VDR: variants seen among roughly 807,000 people sequenced by gnomAD.
VDR encodes the protein vitamin D receptor.
VDR carries 19 observed loss-of-function variants against 39.7 expected under a neutral mutation model. The ratio of observed to expected loss-of-function variants is 0.48; its 90% CI spans 0.33 to 0.70. The LOEUF is 0.70. Among genes scored for constraint, VDR ranks in the 30% least tolerant of loss-of-function variants. The probability of loss-of-function intolerance (pLI) is 0.02; values close to 1 mark genes in which losing one functional copy is unlikely to be tolerated. For synonymous variants in VDR, 242 were observed against 215.8 expected, an observed-to-expected ratio of 1.12 and a Z score of -1.07; for missense variants, 442 against 570.5, an observed-to-expected ratio of 0.77 and a Z score of 2.29.
chr12:47,871,902 G>A lies in VDR; in HGVS notation c.147-6725C>T, dbSNP rs777204998. 4.6e-5 allele frequency among the ~76,000 whole-genome samples: 7 copies of A among 152,346 alleles called. No individual in the cohort carries two copies. The South Asian group carries it at 1.2e-3, about 27-fold the overall frequency. ...TAAAACCAAGATGCAGAATGGTGAC[G>A]TGTGTGCACACACACATACACACAC... On this transcript the variant is annotated intron_variant, in intron 3 of 9. Coordinates refer to ENST00000549336, the MANE Select transcript of VDR (RefSeq NM_000376.3).
intron 1 of VDR, among the ~76,000 whole-genome samples, chr12:47,884,691 G>A (rs1392981552): frequency 6.6e-6 from 1 of 152,120 alleles, no homozygotes; most frequent in Non-Finnish European, 1.5e-5. Flanking sequence ...AGTCATTTCT[G>A]CAACCCTAAG....
intron 4 of VDR, among the ~76,000 whole-genome samples, chr12:47,864,445 G>T (rs2137164018): frequency 6.6e-6 from 1 of 152,336 alleles, no homozygotes; most frequent in African/African-American, 2.4e-5. Flanking sequence ...CTAGAACCCA[G>T]TGCTTCCCCT....
rs1366800286 is a variant in VDR, at chr12:47,859,971, C to CTT, written c.278-2285_278-2284dup. ...TCTTTCTTTCTTTCTTTCTTTCTTT[C>CTT]TTTCTTTCTTTCACAGACTCTCGCT... is the stretch of plus-strand genomic sequence containing the variant. On this transcript the variant is annotated intron_variant, in intron 4 of 9. Coordinates refer to ENST00000549336, the MANE Select transcript of VDR (RefSeq NM_000376.3). Among the ~76,000 whole-genome samples the CTT allele has an allele frequency of 7.5e-4, 103 of 137,526 alleles. 3 individuals are homozygous for CTT. Among genetic ancestry groups the CTT allele is most frequent in the African/African-American group, 2.8e-3 (96 of 34,124 alleles). 90.2% of individuals were successfully genotyped at this position (137,526 alleles called of 152,430 possible).
chr12:47,865,098 A>G lies in VDR; in HGVS notation c.226T>C (p.Cys76Arg). The G allele has an allele frequency of 6.2e-7, 1 of 1,613,948 alleles. No individual in the cohort carries two copies. The highest frequency in any genetic ancestry group is 8.5e-7 in the Non-Finnish European group (1 of 1,179,820). ...CAGCGTTTGAGCCGGCAGGCCTGGC[A>G]GTGGCGTCGGTTGTCCTTGGTGATG... ...CRITKDNRRH[C>R]QACRLKRCVD... Residue 76 changes from cysteine to arginine, a missense_variant, in exon 4 of 10, where the codon TGC (cysteine) becomes CGC (arginine). Cys to Arg is a radical substitution (Grantham distance 180). Coordinates refer to ENST00000549336, the MANE Select transcript of VDR (RefSeq NM_000376.3).
At chr12:47,861,651 A>G (rs1047516436) in intron 4 of VDR, among the ~76,000 whole-genome samples, 2 of 152,194 alleles carry the variant, frequency 1.3e-5, no homozygotes, top group Non-Finnish European at 2.9e-5. Flanking sequence ...GTTCTGAAAG[A>G]GTGTTGGGCT....
intron 7 of VDR, among the ~76,000 whole-genome samples, chr12:47,849,821 T>C (rs960840512): frequency 2.6e-5 from 4 of 151,854 alleles, no homozygotes; most frequent in African/African-American, 9.7e-5. Flanking sequence ...CATTTTGGCG[T>C]ATTTTCTTCC....
rs779775712 is a variant in VDR at position 47,865,122 on chromosome 12, T to C, written c.202A>G (p.Ile68Val). Reference sequence around the variant, plus strand: ...CAGTGGCGTCGGTTGTCCTTGGTGATGCGGCAGTCCCCGTTGAAGGGGCAG... The same window carrying C: ...CAGTGGCGTCGGTTGTCCTTGGTGACGCGGCAGTCCCCGTTGAAGGGGCAG... ...FTCPFNGDCRITKDNRRHCQA... is the reference protein window; with the variant it reads ...FTCPFNGDCRVTKDNRRHCQA... The change falls in exon 4 of 10, where the codon ATC (isoleucine) becomes GTC (valine). Residue 68 changes from isoleucine to valine, a missense_variant. By Grantham distance (29) the Ile-to-Val change is conservative (BLOSUM62 3). Transcript: ENST00000549336. 1.9e-5 allele frequency: 31 copies of C among 1,613,814 alleles called. No homozygotes were observed. Among genetic ancestry groups the C allele is most frequent in the Non-Finnish European group, 7.6e-6 (9 of 1,179,814 alleles).
intron 3 of VDR, among the ~76,000 whole-genome samples, chr12:47,873,408 T>TGC (rs1945929980): frequency 7.5e-6 from 1 of 132,774 alleles, no homozygotes; most frequent in Non-Finnish European, 1.6e-5. Context: ...TCGCCCACGC[T>TGC]GGAGTGCAGT....
intron 1 of VDR, among the ~76,000 whole-genome samples, chr12:47,886,668 C>A (rs1170823403): frequency 6.6e-6 from 1 of 152,118 alleles, no homozygotes; most frequent in Admixed American, 6.5e-5. Flanking sequence ...ACAGTAAAAC[C>A]CAAGAGATAA....
intron 1 of VDR, among the ~76,000 whole-genome samples, chr12:47,902,284 G>A (rs1214628035): frequency 6.6e-6 from 1 of 152,220 alleles, no homozygotes; most frequent in African/African-American, 2.4e-5. Context: ...ACAGGAAAAG[G>A]TTAGGGACAA....
chr12:47,863,845 G>T (rs760020647), intron 4 of VDR, among the ~76,000 whole-genome samples: 2 of 152,226 alleles, frequency 1.3e-5, no homozygotes, highest in Non-Finnish European at 2.9e-5. Context: ...CCCAGGGTCA[G>T]GGCCTCAGCT....
intron 3 of VDR, among the ~76,000 whole-genome samples, chr12:47,865,942 C>T (rs190848850): frequency 0.012 from 1,874 of 150,998 alleles, 27 homozygotes; most frequent in Non-Finnish European, 0.019. Context: ...GTCTCGATCT[C>T]CTGACCTCAT....
chr12:47,898,114 TG>T (rs992145511), intron 1 of VDR, among the ~76,000 whole-genome samples: 9 of 152,140 alleles, frequency 5.9e-5, no homozygotes, highest in Admixed American at 2.0e-4. Flanking sequence ...CCTCAAGCAC[TG>T]CTGGTGGAAG....
intron 7 of VDR, among the ~76,000 whole-genome samples, chr12:47,847,078 G>A (rs1442693296): frequency 6.6e-6 from 1 of 152,140 alleles, no homozygotes; most frequent in South Asian, 2.1e-4. Flanking sequence ...AGAGCTATGG[G>A]GCACAGGAAA....
In VDR at chr12:47,846,532, G is replaced by A. The variant is rs1243825380; in HGVS notation, c.908-81C>T. ...CTCCAACCCCATGGGTCTGACCCTCGCCCTTCTCTCCCTGTTGGTGCCTAA... is the reference window on the plus strand; with the variant it reads ...CTCCAACCCCATGGGTCTGACCCTCACCCTTCTCTCCCTGTTGGTGCCTAA... On this transcript the variant is annotated intron_variant, in intron 8 of 9. Transcript: ENST00000549336. The A allele has an allele frequency of 1.2e-5, 18 of 1,550,840 alleles. No homozygotes were observed. The Middle Eastern group carries it at 7.4e-4, about 64-fold the overall frequency.
At chr12:47,894,552 T>G (rs1287875403) in intron 1 of VDR, among the ~76,000 whole-genome samples, 3 of 152,226 alleles carry the variant, frequency 2.0e-5, no homozygotes. Context: ...AGATGCCTCC[T>G]GCTTCCCTTC....
rs376120023 is a variant in VDR, at chr12:47,845,021, T to C, written c.1025-16A>G. On this transcript the variant is annotated splice_polypyrimidine_tract_variant and intron_variant, in intron 9 of 9. Transcript: ENST00000549336. ...CCAGGACGATCTGTGGGCACGGGGA[T>C]AGAGAAGAAGGCACAGGAGCTCTCA... 10 of 1,609,472 alleles carry C rather than the reference T, an allele frequency of 6.2e-6. No homozygotes were observed. The Admixed American group carries it at 6.7e-5, about 11-fold the overall frequency.
intron 7 of VDR, 98 bp from the exon 8 acceptor site, chr12:47,846,906 C>T: frequency 7.2e-7 from 1 of 1,386,424 alleles, no homozygotes; most frequent in South Asian, 1.2e-5. Context: ...CTGCTGGGCA[C>T]CAACATGCAC....
Position 47,842,147 on chromosome 12 carries a change from T to C in VDR, c.*2599A>G, listed in dbSNP as rs1019545934. 6.6e-6 allele frequency: 1 copy of C among 152,364 alleles called. No homozygotes were observed. Among genetic ancestry groups the C allele is most frequent in the African/African-American group, 2.4e-5 (1 of 41,376 alleles). 9.4% of individuals were successfully genotyped at this position (152,364 alleles called of 1,614,324 possible). On this transcript the variant is annotated 3_prime_UTR_variant, in exon 10 of 10. Coordinates refer to ENST00000549336, the MANE Select transcript of VDR (RefSeq NM_000376.3). ...AAGGTGGTGACATTACAAAGACAAATGCATGTTATAGATGAGGCAACAGCA... is the reference window on the plus strand; with the variant it reads ...AAGGTGGTGACATTACAAAGACAAACGCATGTTATAGATGAGGCAACAGCA...
Sources: allele counts gnomAD v4.1 joint callset (sites outside exome capture counted in the v4.1 genomes callset), GRCh38; gene constraint gnomAD v4.1.1; transcripts MANE v1.5; gene names NCBI Gene and HGNC (gene_info 2026-07-23, HGNC 2026-07-21).